The following CTNNA1 variants were observed in gnomAD, a reference collection of about 807,000 sequenced individuals.
The protein encoded by CTNNA1 is catenin alpha-1.
CTNNA1 carries 37 observed loss-of-function variants against 98.4 expected under a neutral mutation model. The observed-to-expected ratio is 0.38, with a 90% confidence interval of 0.29 to 0.49. The LOEUF is 0.49. CTNNA1 is among the 20% of genes least tolerant of loss of function. The pLI is 0.95. For synonymous variants in CTNNA1, 404 were observed against 413.2 expected (o/e 0.98, Z 0.27); for missense variants, 761 against 1,147.2 (o/e 0.66, Z 4.86).
At position 138,867,360 on chromosome 5, in the gene CTNNA1, A is replaced by G. The variant is rs3749660; in HGVS notation, c.1063-18852A>G. Among the ~76,000 whole-genome samples, 213 of 152,318 alleles carry G rather than the reference A, an allele frequency of 1.4e-3. 3 individuals carry two copies. In the East Asian group the frequency reaches 0.037, roughly 27 times the overall value. On this transcript the variant is annotated intron_variant, in intron 7 of 17. Transcript: ENST00000302763. The stretch of plus-strand genomic sequence containing the variant: ...GCTATGGGGCTGTGGTGCTGGAGAA[A>G]CAATAAGTGCATCTGGGCAAACACG...
chr5:138,774,256 C>T (rs1269966170), intron 1 of CTNNA1, among the ~76,000 whole-genome samples: 4 of 151,952 alleles, frequency 2.6e-5, no homozygotes, highest in Non-Finnish European at 5.9e-5. Flanking sequence ...AACTCCAGGG[C>T]TCAAGTGATT....
chr5:138,933,927 C>G lies in CTNNA1; in HGVS notation c.2559C>G (p.Asn853Lys). 1.2e-6 allele frequency: 2 copies of G among 1,614,162 alleles called. No homozygotes were observed. The change falls in exon 18 of 18, where the codon AAC becomes AAG. Residue 853 changes from asparagine to lysine, a missense_variant. Physicochemically the swap from Asn to Lys is moderately conservative, Grantham distance 94. Around this residue, in one of 6 missense-constraint regions of CTNNA1, gnomAD observed 57 missense variants for 90.9 expected, o/e 0.63. Coordinates refer to ENST00000302763, the MANE Select transcript of CTNNA1 (RefSeq NM_001903.5). The part of the protein sequence containing the change: ...YQKSQGMASL[N>K]LPAVSWKMKA... The stretch of plus-strand genomic sequence containing the variant: ...AGTCACAGGGTATGGCTTCCCTCAA[C>G]CTTCCTGCTGTGTCATGGAAGATGA...
chr5:138,934,141 C>G lies in CTNNA1; in HGVS notation c.*52C>G. The G allele has an allele frequency of 1.5e-6, 2 of 1,369,372 alleles. No homozygotes were observed. The highest frequency in any genetic ancestry group is 2.0e-6 in the Non-Finnish European group (2 of 983,058). 84.8% of individuals were successfully genotyped at this position (1,369,372 alleles called of 1,614,324 possible). A position where few individuals can be genotyped will look rare whatever the true frequency, so the allele number is the denominator to read the frequency against. ...CCTCGGGGCTCCTGAATATCAGTCACTGTTCGTCACTCAAATGAATTTGCT... is the reference window on the plus strand; with the variant it reads ...CCTCGGGGCTCCTGAATATCAGTCAGTGTTCGTCACTCAAATGAATTTGCT... On this transcript the variant is annotated 3_prime_UTR_variant, in exon 18 of 18. Coordinates refer to ENST00000302763, the MANE Select transcript of CTNNA1 (RefSeq NM_001903.5).
At chr5:138,798,246 C>T (rs1346542209) in intron 3 of CTNNA1, among the ~76,000 whole-genome samples, 4 of 152,186 alleles carry the variant, frequency 2.6e-5, no homozygotes, top group African/African-American at 9.7e-5. Flanking sequence ...TTCAAAACAA[C>T]TGAGTAAGGT....
chr5:138,874,463 G>A lies in CTNNA1; in HGVS notation c.1063-11749G>A, dbSNP rs759751841. 4.3e-6 allele frequency: 7 copies of A among 1,613,156 alleles called. No homozygotes were observed. Among genetic ancestry groups the A allele is most frequent in the South Asian group, 2.2e-5 (2 of 90,912 alleles). On this transcript the variant is annotated intron_variant, in intron 7 of 17. Coordinates refer to ENST00000302763, the MANE Select transcript of CTNNA1 (RefSeq NM_001903.5). The surrounding 1 kb of genome is among the most constrained non-coding windows in gnomAD (Gnocchi z 4.1). ...CTCGCAGCGGCATTTGGGTGGACAC[G>A]CCATACCCAGGGCAGGCAGCATTTT...
At chr5:138,753,606 C>T (rs1751246872) in intron 1 of CTNNA1, 96 bp downstream of exon 1, 1 of 315,360 alleles carries the variant, frequency 3.2e-6, no homozygotes, top group Non-Finnish European at 5.7e-6. Context: ...CCGCGAGCCG[C>T]GGGCGGGCGA....
At chr5:138,879,643 A>G (rs920771640) in intron 7 of CTNNA1, among the ~76,000 whole-genome samples, 1 of 152,100 alleles carries the variant, frequency 6.6e-6, no homozygotes, top group South Asian at 2.1e-4. Context: ...TTTTTCGTGG[A>G]GACAGGGTCT....
chr5:138,884,191 G>C (rs139832391), intron 7 of CTNNA1, among the ~76,000 whole-genome samples: 3 of 152,316 alleles, frequency 2.0e-5, no homozygotes, highest in African/African-American at 7.2e-5. Context: ...TTGGTGGGGG[G>C]CTTCCAGGTC....
chr5:138,819,396 T>C (rs1759783967), intron 5 of CTNNA1, among the ~76,000 whole-genome samples: 1 of 152,194 alleles, frequency 6.6e-6, no homozygotes, highest in African/African-American at 2.4e-5. Context: ...AATCCAGCTT[T>C]AGGGAAACAG....
chr5:138,787,030 AT>A lies in CTNNA1; in HGVS notation c.301+3663del, dbSNP rs144055868. On this transcript the variant is annotated intron_variant, in intron 3 of 17. Transcript: ENST00000302763. ...CACTGAAACACTTAATTTTTAAAGG[AT>A]TTTTAAGATGTCTTTGTTCTGAATC... is the stretch of plus-strand genomic sequence containing the variant. 3.2e-3 allele frequency among the ~76,000 whole-genome samples: 486 copies of A among 152,306 alleles called. 1 individual carries two copies. Among genetic ancestry groups the A allele is most frequent in the African/African-American group, 0.011 (458 of 41,578 alleles).
At chr5:138,867,785 C>T (rs532038117) in intron 7 of CTNNA1, among the ~76,000 whole-genome samples, 1 of 149,658 alleles carries the variant, frequency 6.7e-6, no homozygotes, top group African/African-American at 2.5e-5. Flanking sequence ...TGGAGTCTCA[C>T]TCTGTCACCC....
chr5:138,813,632 A>T (rs1322381333), intron 5 of CTNNA1, among the ~76,000 whole-genome samples: 1 of 152,138 alleles, frequency 6.6e-6, no homozygotes, highest in Non-Finnish European at 1.5e-5. Context: ...CACATAAAAA[A>T]ATTTTTTTTG....
chr5:138,866,393 T>C (rs373782536), intron 7 of CTNNA1, among the ~76,000 whole-genome samples: 3 of 151,902 alleles, frequency 2.0e-5, no homozygotes, highest in Admixed American at 6.6e-5. Context: ...TCAATAGATA[T>C]TCAGTAAACT....
chr5:138,867,304 G>GA (rs1298864721), intron 7 of CTNNA1, among the ~76,000 whole-genome samples: 1 of 152,166 alleles, frequency 6.6e-6, no homozygotes, highest in African/African-American at 2.4e-5. Context: ...TTGGGAAAAG[G>GA]GTGGCTTTGC....
At chr5:138,774,715 G>A (rs377644951) in intron 1 of CTNNA1, among the ~76,000 whole-genome samples, 1 of 151,688 alleles carries the variant, frequency 6.6e-6, no homozygotes, top group Non-Finnish European at 1.5e-5. Flanking sequence ...TCTGCCTCCC[G>A]GGTTCACGCC....
intron 3 of CTNNA1, among the ~76,000 whole-genome samples, chr5:138,801,530 G>A (rs1342576359): frequency 6.6e-6 from 1 of 152,160 alleles, no homozygotes; most frequent in African/African-American, 2.4e-5. Context: ...AACCCAAACT[G>A]TGTTGTTCAA....
intron 7 of CTNNA1, among the ~76,000 whole-genome samples, chr5:138,848,258 A>G (rs1268657402): frequency 1.3e-5 from 2 of 152,262 alleles, no homozygotes; most frequent in Non-Finnish European, 2.9e-5. Flanking sequence ...AATGGTGCCT[A>G]TGCACCCATC....
intron 3 of CTNNA1, among the ~76,000 whole-genome samples, chr5:138,800,776 C>T (rs1035051916): frequency 1.3e-5 from 2 of 152,032 alleles, no homozygotes; most frequent in Non-Finnish European, 2.9e-5. Flanking sequence ...GCATTCCAGC[C>T]TGGGCAACAA....
chr5:138,776,063 T>A (rs866038668), intron 1 of CTNNA1, among the ~76,000 whole-genome samples: 11 of 148,334 alleles, frequency 7.4e-5, no homozygotes, highest in Admixed American at 1.3e-4. Context: ...TTTTTTTTTT[T>A]ATTGATCATT....
Sources: allele counts gnomAD v4.1 joint callset (sites outside exome capture counted in the v4.1 genomes callset), GRCh38; gene constraint gnomAD v4.1.1; regional missense constraint gnomAD v4.1.1; non-coding constraint Gnocchi (gnomAD v3.1); transcripts MANE v1.5; gene names NCBI Gene and HGNC (gene_info 2026-07-23, HGNC 2026-07-21).